NLRP5: variants seen among roughly 807,000 people sequenced by gnomAD.
NLRP5 encodes the protein NLR family pyrin domain containing 5.
In NLRP5, 93 loss-of-function variants were observed where a neutral mutation model predicts 113.1. The ratio of observed to expected loss-of-function variants is 0.82; its 90% CI spans 0.70 to 0.98. The LOEUF (loss-of-function observed/expected upper bound fraction) is 0.98, where lower values mean the gene tolerates loss of function less well. Ranked by LOEUF, NLRP5 falls within the 50% of genes least tolerant of loss-of-function variation. NLRP5 has a pLI of 0.00. For synonymous variants in NLRP5, 751 were observed against 600.7 expected, an observed-to-expected ratio of 1.25 and a Z score of -3.66; for missense variants, 1,808 against 1,514.3, an observed-to-expected ratio of 1.19 and a Z score of -3.22.
At chr19:56,035,718 C>G (rs1428679403) in intron 9 of NLRP5, among the ~76,000 whole-genome samples, 1 of 152,144 alleles carries the variant, frequency 6.6e-6, no homozygotes, top group Non-Finnish European at 1.5e-5. Context: ...CCTGTATTCC[C>G]GGAACCTAGA....
chr19:56,029,151 T>C (rs1041178145), intron 7 of NLRP5, among the ~76,000 whole-genome samples: 2 of 152,166 alleles, frequency 1.3e-5, no homozygotes, highest in African/African-American at 4.8e-5. Context: ...GATGGAAATA[T>C]TCCATGTGCC....
chr19:56,035,558 A>T (rs920526778), intron 9 of NLRP5, among the ~76,000 whole-genome samples: 3 of 152,186 alleles, frequency 2.0e-5, no homozygotes, highest in African/African-American at 7.2e-5. Context: ...AGATGGATGG[A>T]GGCTATTTGG....
chr19:55,989,021 A>G, the NLRP5 span, among the ~76,000 whole-genome samples: 1 of 152,144 alleles, frequency 6.6e-6, no homozygotes, highest in African/African-American at 2.4e-5. Context: ...ATTGTCCCTA[A>G]ATATTTATAG....
intron 6 of NLRP5, among the ~76,000 whole-genome samples, chr19:56,023,897 C>A (rs560849113): frequency 6.6e-6 from 1 of 152,134 alleles, no homozygotes; most frequent in Non-Finnish European, 1.5e-5. Context: ...TGCAGAGAGA[C>A]TCTTGCTGCC....
At chr19:56,011,839 G>T (rs561432153) in intron 3 of NLRP5, among the ~76,000 whole-genome samples, 3 of 151,270 alleles carry the variant, frequency 2.0e-5, no homozygotes, top group African/African-American at 7.3e-5. Context: ...TTACACACGC[G>T]CGCCACCGTG....
chr19:56,061,670 G>C lies in NLRP5; in HGVS notation c.*142G>C. ...TTCTCACAAAGCCCTCAATGGTAGT[G>C]ATTCTTCTGTGTTCACTCTACGTTG... On this transcript the variant is annotated 3_prime_UTR_variant, in exon 15 of 15. Coordinates refer to ENST00000390649, the MANE Select transcript of NLRP5 (RefSeq NM_153447.4). 1.1e-6 allele frequency: 1 copy of C among 933,824 alleles called. No homozygotes were observed. The highest frequency in any genetic ancestry group is 1.6e-5 in the South Asian group (1 of 63,392). The allele number at this position is 933,824 out of a possible 1,614,324, so 57.8% of individuals were successfully genotyped here. A position where few individuals can be genotyped will look rare whatever the true frequency, so the allele number is the denominator to read the frequency against.
chr19:55,995,527 T>C (rs1412040378), upstream of NLRP5, among the ~76,000 whole-genome samples: 1 of 152,180 alleles, frequency 6.6e-6, no homozygotes, highest in African/African-American at 2.4e-5. Context: ...AGTCAGGTAA[T>C]ATGCCTCCAG....
At chr19:56,002,167 T>C (rs1288159422) in intron 1 of NLRP5, among the ~76,000 whole-genome samples, 7 of 152,206 alleles carry the variant, frequency 4.6e-5, no homozygotes, top group Non-Finnish European at 1.0e-4. Context: ...ATTTACGACA[T>C]TAATCTTTTC....
Position 56,045,558 on chromosome 19 carries a change from T to G in NLRP5, c.2957+4466T>G, listed in dbSNP as rs148254325. On this transcript the variant is annotated intron_variant, in intron 11 of 14. Transcript: ENST00000390649. ...ATATATCTCGTAATGCTATCCCTCC[T>G]CCGACCCCACAACAGGCCCCAGTGT... Among the ~76,000 whole-genome samples the G allele has an allele frequency of 3.8e-3, 580 of 152,172 alleles. 1 individual carries two copies. Among genetic ancestry groups the G allele is most frequent in the African/African-American group, 0.013 (525 of 41,492 alleles).
chr19:56,050,354 C>G (rs1983885293), intron 11 of NLRP5, 64 bp from the exon 12 acceptor site: 1 of 1,488,204 alleles, frequency 6.7e-7, no homozygotes, highest in African/African-American at 1.4e-5. Context: ...AGAGCAGCAG[C>G]TCACTTGAGG....
intron 5 of NLRP5, among the ~76,000 whole-genome samples, chr19:56,019,932 G>A (rs1982550553): frequency 6.6e-6 from 1 of 151,306 alleles, no homozygotes; most frequent in Admixed American, 6.6e-5. Flanking sequence ...TGCCTCCCAG[G>A]TTCAAGCGAT....
At chr19:56,050,905 T>A (rs1983910332) in intron 12 of NLRP5, among the ~76,000 whole-genome samples, 1 of 152,192 alleles carries the variant, frequency 6.6e-6, no homozygotes, top group Non-Finnish European at 1.5e-5. Context: ...GGGAGAGTGC[T>A]TGTCTCTTAA....
chr19:55,987,920 C>T, the NLRP5 span: 2 of 1,597,870 alleles, frequency 1.3e-6, no homozygotes, highest in African/African-American at 1.3e-5. Flanking sequence ...TTAGGCCGTC[C>T]AGTCATCTTT....
chr19:56,016,683 T>C (rs1982415342), intron 4 of NLRP5, among the ~76,000 whole-genome samples: 1 of 152,180 alleles, frequency 6.6e-6, no homozygotes, highest in Non-Finnish European at 1.5e-5. Context: ...AGATTCCACG[T>C]GTCAGATCCT....
At chr19:56,055,194 G>C (rs150764350) in intron 13 of NLRP5, among the ~76,000 whole-genome samples, 4 of 151,790 alleles carry the variant, frequency 2.6e-5, no homozygotes, top group Non-Finnish European at 4.4e-5. Context: ...GTTTCACCGT[G>C]TTAGCCAGGC....
chr19:56,027,181 C>T lies in NLRP5; in HGVS notation c.948C>T (p.Val316=), dbSNP rs751622345. The T allele has an allele frequency of 3.1e-6, 5 of 1,608,498 alleles. No homozygotes were observed. Among genetic ancestry groups the T allele is most frequent in the Non-Finnish European group, 4.2e-6 (5 of 1,177,560 alleles). ...TCTACCAGGGAATGTTCTCCTACGTCTTCTTCCTCCCCGTTAGAGAGATGC... is the reference window on the plus strand; with the variant it reads ...TCTACCAGGGAATGTTCTCCTACGTTTTCTTCCTCCCCGTTAGAGAGATGC... Residue 316 remains valine (V), a synonymous_variant, in exon 7 of 15, where the codon GTC becomes GTT. Coordinates refer to ENST00000390649, the MANE Select transcript of NLRP5 (RefSeq NM_153447.4).
chr19:56,055,842 G>T (rs1190530187), intron 13 of NLRP5, among the ~76,000 whole-genome samples: 1 of 152,060 alleles, frequency 6.6e-6, no homozygotes, highest in African/African-American at 2.4e-5. Flanking sequence ...ACCGCGCCTG[G>T]CCTGTTTTTC....
At chr19:56,048,802 C>G (rs998997675) in intron 11 of NLRP5, among the ~76,000 whole-genome samples, 10 of 151,758 alleles carry the variant, frequency 6.6e-5, no homozygotes, top group African/African-American at 2.4e-4. Context: ...ATTATGCACC[C>G]AAATATGTTT....
At position 56,061,616 on chromosome 19, in the gene NLRP5, C is replaced by T. The variant is rs1185956603; in HGVS notation, c.*88C>T. The stretch of plus-strand genomic sequence containing the variant: ...AGAGCAAGCTATGCACCTGGGAGTT[C>T]CTTCTCAAAGATGGAGAATGATTTC... On this transcript the variant is annotated 3_prime_UTR_variant, in exon 15 of 15. Transcript: ENST00000390649. The T allele has an allele frequency of 7.2e-7, 1 of 1,394,058 alleles. No individual in the cohort carries two copies. Among genetic ancestry groups the T allele is most frequent in the Admixed American group, 1.8e-5 (1 of 54,340 alleles). The allele number at this position is 1,394,058 out of a possible 1,614,324, so 86.4% of individuals were successfully genotyped here.
Sources: allele counts gnomAD v4.1 joint callset (sites outside exome capture counted in the v4.1 genomes callset), GRCh38; gene constraint gnomAD v4.1.1; transcripts MANE v1.5; gene names NCBI Gene and HGNC (gene_info 2026-07-23, HGNC 2026-07-21).